Variants in PLPP4 observed in about 807,000 individuals in gnomAD.
PLPP4 encodes the protein diacylglycerol pyrophosphate like 2.
A neutral mutation model predicts 32.2 loss-of-function variants in PLPP4; 20 were observed. The observed-to-expected ratio is 0.62, with a 90% CI of 0.44 to 0.90. The LOEUF (loss-of-function observed/expected upper bound fraction) is 0.90, where lower values mean the gene tolerates loss of function less well. Ranked by LOEUF, PLPP4 falls within the 40% of genes least tolerant of loss-of-function variation. The pLI is 0.00. For synonymous variants in PLPP4, 127 were observed against 133.0 expected (o/e 0.95, Z 0.31); for missense variants, 257 against 353.1 (o/e 0.73, Z 2.18).
At chr10:120,555,223 T>C (rs891173416) in intron 5 of PLPP4, among the ~76,000 whole-genome samples, 2 of 152,138 alleles carry the variant, frequency 1.3e-5, no homozygotes, top group African/African-American at 2.4e-5. Context: ...TATGGCTCCA[T>C]GGTAGAACTT....
At chr10:120,466,973 CA>C (rs1848352185) in intron 1 of PLPP4, among the ~76,000 whole-genome samples, 1 of 152,054 alleles carries the variant, frequency 6.6e-6, no homozygotes, top group African/African-American at 2.4e-5. Flanking sequence ...GTGTAGTTCT[CA>C]AAAGTGCAGC....
intron 5 of PLPP4, among the ~76,000 whole-genome samples, chr10:120,551,890 GTCTCC>G (rs1369843135): frequency 6.6e-6 from 1 of 152,120 alleles, no homozygotes; most frequent in East Asian, 1.9e-4. Flanking sequence ...ATAAAGTGGA[GTCTCC>G]TCTCCTGTCA....
intron 5 of PLPP4, among the ~76,000 whole-genome samples, chr10:120,536,850 A>G (rs1029353155): frequency 1.3e-5 from 2 of 152,164 alleles, no homozygotes; most frequent in African/African-American, 4.8e-5. Flanking sequence ...ATACAATTAA[A>G]TAGCAAAAAG....
chr10:120,553,033 G>A (rs1299447541), intron 5 of PLPP4, among the ~76,000 whole-genome samples: 2 of 152,182 alleles, frequency 1.3e-5, no homozygotes, highest in African/African-American at 4.8e-5. Context: ...ATTCTTTGTA[G>A]TTATGAGATT....
chr10:120,478,358 A>G (rs1005139120), intron 1 of PLPP4, among the ~76,000 whole-genome samples: 7 of 152,202 alleles, frequency 4.6e-5, no homozygotes, highest in Non-Finnish European at 1.0e-4. Context: ...GGAGGTGTTC[A>G]GGGTGCCTGC....
intron 5 of PLPP4, among the ~76,000 whole-genome samples, chr10:120,543,749 C>T (rs1174024320): frequency 6.6e-6 from 1 of 152,204 alleles, no homozygotes; most frequent in Non-Finnish European, 1.5e-5. Flanking sequence ...AAACTCTGTA[C>T]CCGTTAAACA....
chr10:120,470,793 C>G (rs1291791992), intron 1 of PLPP4, among the ~76,000 whole-genome samples: 1 of 152,086 alleles, frequency 6.6e-6, no homozygotes, highest in East Asian at 1.9e-4. Context: ...CCCCACTCCA[C>G]CCACTGGGAA....
chr10:120,537,648 A>G (rs917675154), intron 5 of PLPP4, among the ~76,000 whole-genome samples: 3 of 152,196 alleles, frequency 2.0e-5, no homozygotes, highest in Non-Finnish European at 2.9e-5. Context: ...AATGTATTGT[A>G]TACTTGAAAT....
chr10:120,569,713 G>A (rs1848844963), intron 5 of PLPP4, among the ~76,000 whole-genome samples: 1 of 152,210 alleles, frequency 6.6e-6, no homozygotes, highest in African/African-American at 2.4e-5. Flanking sequence ...AAGGACCTTG[G>A]CCTCTTGCCA....
intron 5 of PLPP4, 37 bp from the exon 6 acceptor site, chr10:120,575,092 CCA>C (rs1564851007): frequency 1.3e-6 from 2 of 1,591,940 alleles, no homozygotes; most frequent in South Asian, 2.3e-5. Context: ...CTGCCACTCA[CCA>C]CCTGCTAGAG....
At chr10:120,556,977 C>T (rs912339829) in intron 5 of PLPP4, among the ~76,000 whole-genome samples, 8 of 152,260 alleles carry the variant, frequency 5.3e-5, no homozygotes, top group Non-Finnish European at 1.0e-4. Context: ...ATGATTCATG[C>T]GGCTGTTTTC....
At chr10:120,513,695 A>G (rs1323279741) in intron 2 of PLPP4, among the ~76,000 whole-genome samples, 1 of 152,192 alleles carries the variant, frequency 6.6e-6, no homozygotes, top group Non-Finnish European at 1.5e-5. Flanking sequence ...TTACAAATCA[A>G]TTATAACCTA....
intron 5 of PLPP4, among the ~76,000 whole-genome samples, chr10:120,541,807 C>T (rs1392749670): frequency 6.6e-6 from 1 of 150,842 alleles, no homozygotes; most frequent in Admixed American, 6.6e-5. Context: ...TGGAGTCTCG[C>T]ACTGTTGCTG....
At chr10:120,503,104 C>T (rs1048221486) in intron 1 of PLPP4, among the ~76,000 whole-genome samples, 3 of 152,222 alleles carry the variant, frequency 2.0e-5, no homozygotes, top group African/African-American at 7.2e-5. Context: ...CTCACCATGG[C>T]CAGGGCCGCC....
intron 1 of PLPP4, among the ~76,000 whole-genome samples, chr10:120,503,254 G>A (rs17100273): frequency 0.059 from 8,937 of 152,300 alleles, 430 homozygotes; most frequent in Middle Eastern, 0.14. Context: ...AAGTGGTGCT[G>A]AACTTAGTTC....
At chr10:120,573,505 G>A (rs533414057) in intron 5 of PLPP4, among the ~76,000 whole-genome samples, 1 of 152,228 alleles carries the variant, frequency 6.6e-6, no homozygotes, top group South Asian at 2.1e-4. Flanking sequence ...GTTTCACTTA[G>A]CATGCATCCT....
chr10:120,574,158 ACACACACACACTCTCTCTCTCT>A (rs1564850004), intron 5 of PLPP4, among the ~76,000 whole-genome samples: 4 of 121,186 alleles, frequency 3.3e-5, no homozygotes, highest in African/African-American at 3.6e-5. Flanking sequence ...ACACACACAC[ACACACACACACTCTCTCTCTCT>A]CTCTCTCTCT....
intron 5 of PLPP4, among the ~76,000 whole-genome samples, chr10:120,521,970 A>G (rs1231171721): frequency 6.6e-6 from 1 of 152,212 alleles, no homozygotes; most frequent in Non-Finnish European, 1.5e-5. Context: ...GCCATCATCC[A>G]TTCATCAGTT....
At chr10:120,560,754 CA>C (rs892458762) in intron 5 of PLPP4, among the ~76,000 whole-genome samples, 36 of 151,414 alleles carry the variant, frequency 2.4e-4, no homozygotes, top group Non-Finnish European at 3.8e-4. Context: ...GACTCTGTCT[CA>C]AAAAAACAAA....
Sources: gnomAD v4.1 joint callset for allele counts (sites outside exome capture counted in the v4.1 genomes callset) on GRCh38, gnomAD v4.1.1 for gene constraint, MANE v1.5 for transcripts, NCBI Gene and HGNC (gene_info 2026-07-23, HGNC 2026-07-21) for gene names.